DCC: variants seen among roughly 807,000 people sequenced by gnomAD.
The protein encoded by DCC is DCC netrin 1 receptor, also known as netrin receptor DCC.
A neutral mutation model predicts 172.5 loss-of-function variants in DCC; 58 were observed. That is an observed-to-expected ratio of 0.34 (90% confidence interval 0.27 to 0.42). The LOEUF is 0.42. DCC is among the 10% of genes least tolerant of loss of function. DCC has a pLI of 1.00. For synonymous variants in DCC, 709 were observed against 644.5 expected (o/e 1.10, Z -1.52); for missense variants, 1,740 against 1,791.0 (o/e 0.97, Z 0.51).
intron 1 of DCC, among the ~76,000 whole-genome samples, chr18:52,618,339 A>G (rs1339978199): frequency 1.3e-5 from 2 of 152,196 alleles, no homozygotes; most frequent in Non-Finnish European, 2.9e-5. Context: ...CTTAATAATT[A>G]TGCAGAATAA....
intron 2 of DCC, among the ~76,000 whole-genome samples, chr18:52,878,717 G>T (rs188141059): frequency 6.6e-6 from 1 of 152,048 alleles, no homozygotes; most frequent in Non-Finnish European, 1.5e-5. Context: ...ACTAGGACGG[G>T]TCACTTGTGT....
chr18:52,396,385 T>C (rs1465956229), intron 1 of DCC, among the ~76,000 whole-genome samples: 4 of 148,096 alleles, frequency 2.7e-5, no homozygotes, highest in Non-Finnish European at 1.5e-5. Context: ...CTAATTTTCC[T>C]GACAATCAAT....
At chr18:53,227,649 T>A (rs1356852684) in intron 12 of DCC, among the ~76,000 whole-genome samples, 1 of 152,214 alleles carries the variant, frequency 6.6e-6, no homozygotes, top group East Asian at 1.9e-4. Context: ...CAATTCTGTA[T>A]CTTCAGAAAA....
chr18:52,966,890 T>C (rs1368047766), intron 5 of DCC, among the ~76,000 whole-genome samples: 1 of 152,242 alleles, frequency 6.6e-6, no homozygotes, highest in East Asian at 1.9e-4. Flanking sequence ...TGCTTTGTAA[T>C]AGGCTTAAGT....
intron 2 of DCC, chr18:52,809,296 C>T (rs2038148782): frequency 6.5e-6 from 1 of 154,954 alleles, no homozygotes; most frequent in African/African-American, 2.4e-5. Context: ...TTGTTACTGA[C>T]AGGTCTTTGT....
intron 1 of DCC, among the ~76,000 whole-genome samples, chr18:52,455,510 T>C (rs532580753): frequency 5.1e-4 from 78 of 152,298 alleles, no homozygotes; most frequent in Non-Finnish European, 6.9e-4. Context: ...ATGTGTAACA[T>C]AGGAAAGCTT....
chr18:52,610,205 A>C lies in DCC; in HGVS notation c.92-141849A>C, dbSNP rs1473145814. Among the ~76,000 whole-genome samples the C allele has an allele frequency of 9.8e-5, 8 of 81,546 alleles. 1 individual carries two copies. Among genetic ancestry groups the C allele is most frequent in the African/African-American group, 3.8e-4 (7 of 18,202 alleles). The allele number at this position is 81,546 out of a possible 152,430, so 53.5% of individuals were successfully genotyped here. Reference sequence around the variant, plus strand: ...TATATATATATATATATATATATATATATATATATATATATATATATAAAA... The same window carrying C: ...TATATATATATATATATATATATATCTATATATATATATATATATATAAAA... On this transcript the variant is annotated intron_variant, in intron 1 of 28. Coordinates refer to ENST00000442544, the MANE Select transcript of DCC (RefSeq NM_005215.4).
At chr18:52,775,874 G>T (rs2037422472) in intron 2 of DCC, among the ~76,000 whole-genome samples, 1 of 152,154 alleles carries the variant, frequency 6.6e-6, no homozygotes, top group Non-Finnish European at 1.5e-5. Flanking sequence ...GGTCCGTGAG[G>T]GTGGAGCCCC....
intron 5 of DCC, among the ~76,000 whole-genome samples, chr18:53,020,857 G>C (rs1403851768): frequency 2.6e-5 from 4 of 152,240 alleles, no homozygotes; most frequent in Admixed American, 2.6e-4. Context: ...GAACAAGAGA[G>C]AGTGCAGAGC....
At position 53,386,048 on chromosome 18, in the gene DCC, A is replaced by G. The variant is rs1360222053; in HGVS notation, c.2365A>G (p.Ser789Gly). Residue 789 changes from serine (S) to glycine (G), a missense_variant, in exon 16 of 29, where the codon AGT becomes GGT. This residue lies in a region of DCC where 1,732 missense variants were observed against 1,767.4 expected (regional missense o/e 0.98). Coordinates refer to ENST00000442544, the MANE Select transcript of DCC (RefSeq NM_005215.4). ...TGTTTCTGTTTTTTCTCCAGAGTCA[A>G]GTTCCCATTATGTAATCTCCCTAAA... ...RYYSIERLES[S>G]SHYVISLKAF... 2 of 1,605,982 alleles carry G rather than the reference A, an allele frequency of 1.2e-6. No homozygotes were observed. Among genetic ancestry groups the G allele is most frequent in the South Asian group, 2.2e-5 (2 of 90,912 alleles).
At chr18:52,362,599 T>C (rs901768331) in intron 1 of DCC, among the ~76,000 whole-genome samples, 1 of 152,196 alleles carries the variant, frequency 6.6e-6, no homozygotes, top group Non-Finnish European at 1.5e-5. Context: ...TCTTAGCTTC[T>C]AAAATCTATG....
chr18:53,266,431 G>A (rs2056675648), intron 12 of DCC, among the ~76,000 whole-genome samples: 1 of 151,952 alleles, frequency 6.6e-6, no homozygotes, highest in African/African-American at 2.4e-5. Context: ...TCAATGCCTG[G>A]GGTAAAATGA....
intron 22 of DCC, among the ~76,000 whole-genome samples, chr18:53,446,463 G>GGT (rs1555672990): frequency 6.6e-6 from 1 of 152,110 alleles, no homozygotes; most frequent in Non-Finnish European, 1.5e-5. Context: ...AGCTGGAAAG[G>GGT]GGGCAATGTC....
chr18:52,344,214 A>G (rs1161011673), intron 1 of DCC, among the ~76,000 whole-genome samples: 2 of 152,226 alleles, frequency 1.3e-5, no homozygotes, highest in Non-Finnish European at 2.9e-5. Context: ...GAAGAGGAAG[A>G]GCCTTAATCC....
intron 24 of DCC, among the ~76,000 whole-genome samples, chr18:53,462,632 C>T (rs1468379479): frequency 1.3e-5 from 2 of 152,118 alleles, no homozygotes; most frequent in South Asian, 2.1e-4. Context: ...ATCCTGAAAC[C>T]GTACCCTGCC....
chr18:52,663,072 C>T (rs1043799524), intron 1 of DCC, among the ~76,000 whole-genome samples: 1 of 152,146 alleles, frequency 6.6e-6, no homozygotes, highest in Non-Finnish European at 1.5e-5. Flanking sequence ...ACTCACACTT[C>T]TTAATAGCAA....
intron 7 of DCC, among the ~76,000 whole-genome samples, chr18:53,092,974 A>AG (rs201548479): frequency 0.027 from 2,206 of 81,356 alleles, 46 homozygotes; most frequent in African/African-American, 0.15. Context: ...CTGCATTACT[A>AG]TTTAAAAAAA....
chr18:53,527,518 A>AAAT, intron 28 of DCC, among the ~76,000 whole-genome samples: 1 of 152,152 alleles, frequency 6.6e-6, no homozygotes, highest in South Asian at 2.1e-4. Flanking sequence ...AAAAAATATA[A>AAAT]AATAAAAAAA....
chr18:53,317,946 A>AT (rs1184968069), intron 13 of DCC, among the ~76,000 whole-genome samples: 1 of 151,734 alleles, frequency 6.6e-6, no homozygotes, highest in Admixed American at 6.6e-5. Flanking sequence ...GGATTCATTG[A>AT]TTTTTTTGAA....
Sources: allele counts gnomAD v4.1 joint callset (sites outside exome capture counted in the v4.1 genomes callset), GRCh38; gene constraint gnomAD v4.1.1; regional missense constraint gnomAD v4.1.1; transcripts MANE v1.5; gene names NCBI Gene and HGNC (gene_info 2026-07-23, HGNC 2026-07-21).